The following SEC14L5 variants were observed in gnomAD, a reference collection of about 807,000 sequenced individuals.
SEC14L5 encodes SEC14-like protein 5.
Under a neutral mutation model 84.6 loss-of-function variants are expected in SEC14L5, and 96 were observed. The observed-to-expected ratio is 1.13, with a 90% CI of 0.96 to 1.34. The LOEUF is 1.34. SEC14L5 is among the 40% of genes most tolerant of loss of function. The pLI is 0.00. For missense variants in SEC14L5, 1,224 were observed against 942.5 expected (o/e 1.30, Z -3.91); for synonymous variants, 546 against 383.4 (o/e 1.42, Z -4.95).
chr16:5,001,036 TC>T (rs1360498774), intron 10 of SEC14L5, 111 bp downstream of exon 10: 1 of 823,054 alleles, frequency 1.2e-6, no homozygotes, highest in Non-Finnish European at 2.0e-6. Context: ...GGCTTCATTC[TC>T]CCCCAGTTTC....
chr16:4,992,803 G>C (rs906618381), intron 6 of SEC14L5, among the ~76,000 whole-genome samples: 6 of 152,178 alleles, frequency 3.9e-5, no homozygotes, highest in Non-Finnish European at 8.8e-5. Context: ...TCTATGTCCT[G>C]AAGCTGTTTA....
intron 13 of SEC14L5, 51 bp from the exon 14 acceptor site, chr16:5,008,370 C>T: frequency 7.3e-7 from 1 of 1,369,138 alleles, no homozygotes. Flanking sequence ...TTCCCCACCC[C>T]AGCTCTACTC....
In SEC14L5 at chr16:5,000,684, G is replaced by A. The variant is rs1955665136; in HGVS notation, c.1000G>A (p.Gly334Ser). 3 of 1,552,044 alleles carry A rather than the reference G, an allele frequency of 1.9e-6. No individual in the cohort carries two copies. The highest frequency in any genetic ancestry group is 2.6e-6 in the Non-Finnish European group (3 of 1,147,360). The change falls in exon 9 of 16, where the codon GGC becomes AGC. Residue 334 changes from glycine to serine, a missense_variant. Gly to Ser is a moderately conservative substitution (Grantham distance 56, BLOSUM62 0). Coordinates refer to ENST00000251170, the MANE Select transcript of SEC14L5 (RefSeq NM_014692.2). ...CCGCCCCCTCTACATCCTCCGCCTG[G>A]GCCAGATGGACACCAAAGGCTTGAT... Reference protein sequence around the residue: ...DGRPLYILRLGQMDTKGLMKA... With the variant: ...DGRPLYILRLSQMDTKGLMKA...
At chr16:4,991,511 C>A (rs553773288) in intron 5 of SEC14L5, among the ~76,000 whole-genome samples, 1 of 151,918 alleles carries the variant, frequency 6.6e-6, no homozygotes, top group East Asian at 1.9e-4. Flanking sequence ...GGCTGCAGTG[C>A]GCTGAGATGA....
chr16:4,996,640 A>G (rs1408593428), intron 7 of SEC14L5, among the ~76,000 whole-genome samples, 180 bp downstream of exon 7: 1 of 151,670 alleles, frequency 6.6e-6, no homozygotes, highest in Non-Finnish European at 1.5e-5. Context: ...CAGTGGTGTG[A>G]TCCTCACTGC....
In SEC14L5 at chr16:5,008,552, G is replaced by A; in HGVS notation, c.1704G>A (p.Arg568=). 1 of 1,609,134 alleles carries A rather than the reference G, an allele frequency of 6.2e-7. No individual in the cohort carries two copies. The highest frequency in any genetic ancestry group is 8.5e-7 in the Non-Finnish European group (1 of 1,178,186). ...PRLGAREPGT[R]ASGQLIDKGW... The stretch of plus-strand genomic sequence containing the variant: ...TGGGCGCCCGGGAACCGGGGACCAG[G>A]GCCAGCGGGCAGCTGATCGACAAAG... The change falls in exon 14 of 16, where the codon AGG becomes AGA. Residue 568 remains arginine (R), a synonymous_variant. Transcript: ENST00000251170.
intron 2 of SEC14L5, among the ~76,000 whole-genome samples, chr16:4,962,924 C>A (rs1382523382): frequency 6.6e-6 from 1 of 152,178 alleles, no homozygotes; most frequent in African/African-American, 2.4e-5. Context: ...TGTGGAAGCA[C>A]AAAAGGGGTT....
At chr16:4,966,775 T>G (rs1230559289) in intron 2 of SEC14L5, among the ~76,000 whole-genome samples, 7 of 152,194 alleles carry the variant, frequency 4.6e-5, no homozygotes. Flanking sequence ...CTCTACCATT[T>G]TTCAGAGCTG....
rs1596650083 is a variant in SEC14L5, at chr16:5,015,226, G to T, written c.*256G>T. On this transcript the variant is annotated 3_prime_UTR_variant, in exon 16 of 16. Transcript: ENST00000251170. Reference sequence around the variant, plus strand: ...AGGAAGACCAAGCCAAGGCCAAGGTGTCTACCATACCACACCTTTGGGACA... The same window carrying T: ...AGGAAGACCAAGCCAAGGCCAAGGTTTCTACCATACCACACCTTTGGGACA... The T allele has an allele frequency of 1.9e-6, 1 of 512,846 alleles. No homozygotes were observed. The highest frequency in any genetic ancestry group is 3.2e-5 in the East Asian group (1 of 31,448). The allele number at this position is 512,846 out of a possible 1,614,324, so 31.8% of individuals were successfully genotyped here.
At position 4,992,094 on chromosome 16, in the gene SEC14L5, G is replaced by A. The variant is rs1955559346; in HGVS notation, c.667+64G>A. The stretch of plus-strand genomic sequence containing the variant: ...TGCTGCAGGTCCTCTTGCTCCATGG[G>A]GGGCCCTGGGGCATGTTGGGGAGAA... On this transcript the variant is annotated intron_variant, in intron 6 of 15. Coordinates refer to ENST00000251170, the MANE Select transcript of SEC14L5 (RefSeq NM_014692.2). 4.3e-6 allele frequency: 5 copies of A among 1,151,642 alleles called. No homozygotes were observed. The East Asian group carries it at 1.1e-4, about 25-fold the overall frequency. The allele number at this position is 1,151,642 out of a possible 1,614,324, so 71.3% of individuals were successfully genotyped here.
intron 14 of SEC14L5, among the ~76,000 whole-genome samples, chr16:5,009,199 C>A (rs1316709099): frequency 6.6e-6 from 1 of 152,144 alleles, no homozygotes; most frequent in African/African-American, 2.4e-5. Flanking sequence ...CCAATCTCTG[C>A]CTCTGTCTTT....
chr16:4,962,813 T>A (rs1207935611), intron 2 of SEC14L5, among the ~76,000 whole-genome samples: 1 of 152,012 alleles, frequency 6.6e-6, no homozygotes, highest in East Asian at 1.9e-4. Flanking sequence ...TGTGAAATGG[T>A]CCCAAGCCAC....
Position 5,006,000 on chromosome 16 carries a change from C to T in SEC14L5, c.1389C>T (p.Asp463=). ...SNYQGPGGLV[D]YLDREVIPDF... The stretch of plus-strand genomic sequence containing the variant: ...ACCAGGGACCCGGAGGCCTTGTGGA[C>T]TATCTGGATAGAGAAGTGATCCCTG... The change falls in exon 12 of 16, where the codon GAC becomes GAT. Residue 463 remains aspartate, a synonymous_variant. Transcript: ENST00000251170. 1 of 1,613,780 alleles carries T rather than the reference C, an allele frequency of 6.2e-7. No individual in the cohort carries two copies. The highest frequency in any genetic ancestry group is 8.5e-7 in the Non-Finnish European group (1 of 1,179,768).
intron 2 of SEC14L5, among the ~76,000 whole-genome samples, chr16:4,975,954 G>A (rs1417936782): frequency 4.6e-5 from 7 of 152,164 alleles, no homozygotes; most frequent in African/African-American, 1.2e-4. Flanking sequence ...CTTACTGGAC[G>A]TTTTGGCGTA....
At chr16:4,974,743 C>CA (rs1018656855) in intron 2 of SEC14L5, among the ~76,000 whole-genome samples, 3 of 151,932 alleles carry the variant, frequency 2.0e-5, no homozygotes, top group Admixed American at 2.0e-4. Context: ...CCCAAGTCCC[C>CA]AAAATCCATT....
Position 5,014,886 on chromosome 16 carries a change from C to T in SEC14L5, c.2007C>T (p.Cys669=). 6.2e-7 allele frequency: 1 copy of T among 1,613,726 alleles called. No individual in the cohort carries two copies. Among genetic ancestry groups the T allele is most frequent in the Non-Finnish European group, 8.5e-7 (1 of 1,179,864 alleles). The change falls in exon 16 of 16, where the codon TGC becomes TGT. Residue 669 remains cysteine (C), a synonymous_variant. Coordinates refer to ENST00000251170, the MANE Select transcript of SEC14L5 (RefSeq NM_014692.2). ...FRGSMSSLES[C]TSGFSQLSAA... is the part of the protein sequence containing the mutation. The stretch of plus-strand genomic sequence containing the variant: ...GCTCCATGTCCAGCCTGGAATCCTG[C>T]ACCAGCGGCTTCTCCCAGCTCAGCG...
At chr16:4,998,510 G>A (rs976746023) in intron 8 of SEC14L5, among the ~76,000 whole-genome samples, 21 of 149,554 alleles carry the variant, frequency 1.4e-4, no homozygotes, top group African/African-American at 4.1e-4. Flanking sequence ...AGGCCGAGGC[G>A]GGCGGATCAC....
Position 4,996,888 on chromosome 16 carries a change from C to T in SEC14L5, c.814C>T (p.Arg272Trp), listed in dbSNP as rs61739553. 10 of 1,613,102 alleles carry T rather than the reference C, an allele frequency of 6.2e-6. No individual in the cohort carries two copies. Among genetic ancestry groups the T allele is most frequent in the East Asian group, 2.2e-5 (1 of 44,856 alleles). Residue 272 changes from arginine (R) to tryptophan (W), a missense_variant, in exon 8 of 16, where the codon CGG becomes TGG. Physicochemically the swap from Arg to Trp is moderately radical, Grantham distance 101. Transcript: ENST00000251170. ...PKDEHILRFL[R>W]AHDFHLDKAR... ...AGATGAGCACATCCTTCGGTTCCTGCGGGCTCATGACTTCCACCTGGACAA... is the reference window on the plus strand; with the variant it reads ...AGATGAGCACATCCTTCGGTTCCTGTGGGCTCATGACTTCCACCTGGACAA...
intron 11 of SEC14L5, 48 bp downstream of exon 11, chr16:5,003,621 TGGGA>T: frequency 1.5e-5 from 2 of 133,462 alleles, no homozygotes; most frequent in Non-Finnish European, 3.0e-5. Flanking sequence ...GTGGGTGGGA[TGGGA>T]GGGGTTCCGT....
Sources: allele counts gnomAD v4.1 joint callset (sites outside exome capture counted in the v4.1 genomes callset), GRCh38; gene constraint gnomAD v4.1.1; transcripts MANE v1.5; gene names NCBI Gene and HGNC (gene_info 2026-07-23, HGNC 2026-07-21).